The following TXLNB variants were observed in gnomAD, a reference collection of about 807,000 sequenced individuals.
TXLNB encodes the protein beta-taxilin.
A neutral mutation model predicts 57.4 loss-of-function variants in TXLNB; 37 were observed. The ratio of observed to expected loss-of-function variants is 0.64; its 90% CI spans 0.50 to 0.85. The LOEUF (loss-of-function observed/expected upper bound fraction) is 0.85. Among genes scored for constraint, TXLNB ranks in the 40% least tolerant of loss-of-function variants. The pLI, the probability that TXLNB is intolerant of heterozygous loss-of-function variation, is 0.00. For missense variants in TXLNB, 848 were observed against 825.6 expected, an observed-to-expected ratio of 1.03 and a Z score of -0.33; for synonymous variants, 302 against 309.6, an observed-to-expected ratio of 0.98 and a Z score of 0.26.
At chr6:139,250,358 T>TTTC (rs200976508) in intron 7 of TXLNB, among the ~76,000 whole-genome samples, 1,470 of 62,226 alleles carry the variant, frequency 0.024, 19 homozygotes, top group African/African-American at 0.12. Flanking sequence ...TCTTTCTTTC[T>TTTC]TTTTTTTTTT....
At chr6:139,250,523 G>T (rs11970759) in intron 7 of TXLNB, among the ~76,000 whole-genome samples, 1,850 of 151,948 alleles carry the variant, frequency 0.012, 26 homozygotes, top group African/African-American at 0.042. Flanking sequence ...GCCTAGGGTG[G>T]GAACAACTAC....
chr6:139,182,779 A>G, the TXLNB span, among the ~76,000 whole-genome samples: 3 of 152,228 alleles, frequency 2.0e-5, no homozygotes, highest in African/African-American at 7.2e-5. Context: ...TGGTAATTAT[A>G]TTAGCTCTAC....
At chr6:139,234,742 C>A in the TXLNB span, among the ~76,000 whole-genome samples, 4 of 152,242 alleles carry the variant, frequency 2.6e-5, no homozygotes, top group Non-Finnish European at 4.4e-5. Flanking sequence ...AGAGCCCCCA[C>A]ACAGAGTCCC....
chr6:139,243,492 CTTT>C (rs1161954954), intron 9 of TXLNB, among the ~76,000 whole-genome samples, 178 bp from the exon 10 acceptor site: 6 of 128,080 alleles, frequency 4.7e-5, no homozygotes, highest in Non-Finnish European at 3.3e-5. Context: ...CATCACTTTC[CTTT>C]TTTTTTTTTT....
At chr6:139,214,217 C>CA in the TXLNB span, among the ~76,000 whole-genome samples, 7 of 152,100 alleles carry the variant, frequency 4.6e-5, no homozygotes, top group African/African-American at 1.7e-4. Flanking sequence ...AACATTGATG[C>CA]AAAAATCCTC....
At chr6:139,180,593 C>A in the TXLNB span, 1 of 152,574 alleles carries the variant, frequency 6.6e-6, no homozygotes, top group South Asian at 2.1e-4. Flanking sequence ...AATGGATGGG[C>A]TCCATTAAAA....
intron 7 of TXLNB, 91 bp downstream of exon 7, chr6:139,255,473 A>G: frequency 2.1e-6 from 2 of 970,632 alleles, no homozygotes; most frequent in Non-Finnish European, 3.3e-6. Flanking sequence ...CCTGCCACAT[A>G]GGAGGACTTC....
chr6:139,291,105 C>G (rs976986120), intron 1 of TXLNB, among the ~76,000 whole-genome samples: 42 of 152,316 alleles, frequency 2.8e-4, no homozygotes, highest in African/African-American at 9.1e-4. Flanking sequence ...TGATTGCACT[C>G]ATCTATATAT....
At chr6:139,166,049 T>C in the TXLNB span, 1 of 444,372 alleles carries the variant, frequency 2.3e-6, no homozygotes. Context: ...AACCTAAAGC[T>C]CAGGATGAAG....
At chr6:139,164,078 A>ACTCTCT in the TXLNB span, among the ~76,000 whole-genome samples, 7 of 78,548 alleles carry the variant, frequency 8.9e-5, no homozygotes, top group Non-Finnish European at 1.9e-4. Flanking sequence ...ACACACACAC[A>ACTCTCT]CACTCTCTCT....
rs999422775 is a variant in TXLNB at position 139,241,257 on chromosome 6, T to A, written c.*1269A>T. Reference sequence around the variant, plus strand: ...AGAAATCCTCATGGCAGAAAACGTGTTGGTTTGTAAGCCTCATCACTGATA... The same window carrying A: ...AGAAATCCTCATGGCAGAAAACGTGATGGTTTGTAAGCCTCATCACTGATA... On this transcript the variant is annotated 3_prime_UTR_variant, in exon 10 of 10. Transcript: ENST00000358430. The A allele has an allele frequency of 7.2e-5, 11 of 152,176 alleles. No homozygotes were observed. The highest frequency in any genetic ancestry group is 1.3e-4 in the Non-Finnish European group (9 of 68,016). The allele number at this position is 152,176 out of a possible 1,614,324, so 9.4% of individuals were successfully genotyped here. A position where few individuals can be genotyped will look rare whatever the true frequency, so the allele number is the denominator to read the frequency against.
At chr6:139,254,255 G>A (rs1307112467) in intron 7 of TXLNB, among the ~76,000 whole-genome samples, 4 of 152,092 alleles carry the variant, frequency 2.6e-5, no homozygotes, top group African/African-American at 4.8e-5. Context: ...TGTCTGTGCA[G>A]TAGTATAATC....
At chr6:139,308,531 T>G in the TXLNB span, among the ~76,000 whole-genome samples, 2 of 152,248 alleles carry the variant, frequency 1.3e-5, no homozygotes, top group Non-Finnish European at 2.9e-5. Flanking sequence ...TGCTATATAT[T>G]CCAACTAATA....
chr6:139,225,737 C>T, the TXLNB span, among the ~76,000 whole-genome samples: 1 of 152,104 alleles, frequency 6.6e-6, no homozygotes, highest in East Asian at 1.9e-4. Flanking sequence ...GTGAAAACCT[C>T]AATTCTCTTC....
the TXLNB span, among the ~76,000 whole-genome samples, chr6:139,229,616 C>A: frequency 2.0e-5 from 3 of 152,138 alleles, no homozygotes; most frequent in Non-Finnish European, 4.4e-5. Context: ...AGCCACCATG[C>A]CTGGCCTGTT....
At chr6:139,164,520 A>C in the TXLNB span, among the ~76,000 whole-genome samples, 3 of 152,162 alleles carry the variant, frequency 2.0e-5, no homozygotes, top group African/African-American at 7.2e-5. Flanking sequence ...GCCCTCATTA[A>C]GAATTGGCGA....
At chr6:139,262,801 T>A in intron 4 of TXLNB, 28 bp from the exon 5 acceptor site, 1 of 1,606,938 alleles carries the variant, frequency 6.2e-7, no homozygotes, top group Non-Finnish European at 8.5e-7. Flanking sequence ...AACATTTTGT[T>A]TAAATGCACC....
chr6:139,310,074 A>G, the TXLNB span, among the ~76,000 whole-genome samples: 1 of 152,212 alleles, frequency 6.6e-6, no homozygotes, highest in Admixed American at 6.5e-5. Flanking sequence ...CTTGGCAATG[A>G]TATTTTGGGT....
At chr6:139,293,833 G>GA (rs1005193419), upstream of TXLNB, among the ~76,000 whole-genome samples, 49 of 152,176 alleles carry the variant, frequency 3.2e-4, no homozygotes, top group Admixed American at 1.0e-3. Flanking sequence ...TTAAGTTAGT[G>GA]AATTAAAATT....
Sources: allele counts gnomAD v4.1 joint callset (sites outside exome capture counted in the v4.1 genomes callset), GRCh38; gene constraint gnomAD v4.1.1; transcripts MANE v1.5; gene names NCBI Gene and HGNC (gene_info 2026-07-23, HGNC 2026-07-21).